NCAN: variants seen among roughly 807,000 people sequenced by gnomAD.
NCAN encodes neurocan.
A neutral mutation model predicts 121.8 loss-of-function variants in NCAN; 47 were observed. The ratio of observed to expected loss-of-function variants is 0.39; its 90% CI spans 0.31 to 0.49. The LOEUF is 0.49. Ranked by LOEUF, NCAN falls within the 20% of genes least tolerant of loss-of-function variation. NCAN has a pLI of 0.92. For missense variants in NCAN, 1,517 were observed against 1,773.4 expected, an observed-to-expected ratio of 0.86 and a Z score of 2.60; for synonymous variants, 633 against 702.0, an observed-to-expected ratio of 0.90 and a Z score of 1.55.
In NCAN at chr19:19,224,001, T is replaced by C; in HGVS notation, c.476-20T>C. On this transcript the variant is annotated intron_variant, in intron 3 of 14. Coordinates refer to ENST00000252575, the MANE Select transcript of NCAN (RefSeq NM_004386.3). Reference sequence around the variant, plus strand: ...CCAGCATAAGTCAACTGTCCCCCCATCCTGGATGTTCCCCCACAGGTGTTG... The same window carrying C: ...CCAGCATAAGTCAACTGTCCCCCCACCCTGGATGTTCCCCCACAGGTGTTG... 6.7e-7 allele frequency: 1 copy of C among 1,503,676 alleles called. No homozygotes were observed. Among genetic ancestry groups the C allele is most frequent in the Non-Finnish European group, 8.9e-7 (1 of 1,121,102 alleles). The allele number at this position is 1,503,676 out of a possible 1,614,324, so 93.1% of individuals were successfully genotyped here.
chr19:19,227,161 G>A lies in NCAN; in HGVS notation c.1660+88G>A, dbSNP rs2060840567. On this transcript the variant is annotated intron_variant, in intron 7 of 14. Transcript: ENST00000252575. The surrounding 1 kb of genome is among the most constrained non-coding windows in gnomAD (Gnocchi z 4.2). ...CCATGGCTACACTCAGAATGAGGGA[G>A]GAAGCTCCAAATCCCAGCTGGGTCC... The A allele has an allele frequency of 6.7e-7, 1 of 1,490,392 alleles. No homozygotes were observed. The highest frequency in any genetic ancestry group is 1.4e-5 in the African/African-American group (1 of 71,412). The allele number at this position is 1,490,392 out of a possible 1,614,324, so 92.3% of individuals were successfully genotyped here.
Position 19,225,710 on chromosome 19 carries a change from G to A in NCAN, c.1072+440G>A, listed in dbSNP as rs1017592153. On this transcript the variant is annotated intron_variant, in intron 6 of 14. Transcript: ENST00000252575. The surrounding 1 kb of genome is among the most constrained non-coding windows in gnomAD (Gnocchi z 4.0). Reference sequence around the variant, plus strand: ...GGGATGACACTCGCCCTTGTTGGGGGGCAGTGGGGACAGCTTTGGAAGCTG... The same window carrying A: ...GGGATGACACTCGCCCTTGTTGGGGAGCAGTGGGGACAGCTTTGGAAGCTG... 6.6e-6 allele frequency among the ~76,000 whole-genome samples: 1 copy of A among 152,212 alleles called. No homozygotes were observed. The highest frequency in any genetic ancestry group is 1.5e-5 in the Non-Finnish European group (1 of 68,030).
rs754950280 is a variant in NCAN, at chr19:19,227,455, C to T, written c.1835C>T (p.Ser612Leu). 70 of 1,613,516 alleles carry T rather than the reference C, an allele frequency of 4.3e-5. No homozygotes were observed. The East Asian group carries it at 1.5e-3, about 35-fold the overall frequency. Residue 612 changes from serine to leucine, a missense_variant, in exon 8 of 15, where the codon TCA (serine) becomes TTA (leucine). Transcript: ENST00000252575. The surrounding 1 kb of genome is among the most constrained non-coding windows in gnomAD (Gnocchi z 4.2). ...TGGTCCCCCTTGGAGGCCACTGTCT[C>T]AGCTCCCAGCCCTGCCCCCTGGGAG... ...LFWSPLEATV[S>L]APSPAPWEAF...
rs2060946655 is a variant in NCAN at position 19,251,665 on chromosome 19, T to C, written c.*1754T>C. On this transcript the variant is annotated 3_prime_UTR_variant, in exon 15 of 15. Coordinates refer to ENST00000252575, the MANE Select transcript of NCAN (RefSeq NM_004386.3). ...GGACTCTGGAGAGGAGATTGAAATA[T>C]AATTGCACCCTCATACACATTTAGG... 6.6e-6 allele frequency: 1 copy of C among 152,188 alleles called. No individual in the cohort carries two copies. The highest frequency in any genetic ancestry group is 1.5e-5 in the Non-Finnish European group (1 of 68,034). The allele number at this position is 152,188 out of a possible 1,614,324, so 9.4% of individuals were successfully genotyped here. A position where few individuals can be genotyped will look rare whatever the true frequency, so the allele number is the denominator to read the frequency against.
intron 12 of NCAN, among the ~76,000 whole-genome samples, chr19:19,242,098 G>A (rs907489101): frequency 6.6e-6 from 1 of 152,072 alleles, no homozygotes; most frequent in African/African-American, 2.4e-5. Flanking sequence ...GGGAGGCTGA[G>A]GCAGGAGAAT....
At position 19,228,432 on chromosome 19, in the gene NCAN, G is replaced by C; in HGVS notation, c.2812G>C (p.Val938Leu). 6.2e-7 allele frequency: 1 copy of C among 1,613,686 alleles called. No homozygotes were observed. Among genetic ancestry groups the C allele is most frequent in the Admixed American group, 1.7e-5 (1 of 60,020 alleles). The stretch of plus-strand genomic sequence containing the variant: ...TCCTGGGACACCGACTGCAGCCAGT[G>C]TGGGCGAGTCTGCCTCAGTTTCCTC... ...VPPGTPTAAS[V>L]GESASVSSGE... The change falls in exon 8 of 15, where the codon GTG becomes CTG. Residue 938 changes from valine (V) to leucine (L), a missense_variant. Physicochemically the swap from Val to Leu is conservative, Grantham distance 32. Transcript: ENST00000252575.
Position 19,249,915 on chromosome 19 carries a change from A to G in NCAN, c.*4A>G. ...GGACGAAGGGAATTTCTGCTGAAGAACCAGAAAAAAGAAAGCACAACACCT... is the reference window on the plus strand; with the variant it reads ...GGACGAAGGGAATTTCTGCTGAAGAGCCAGAAAAAAGAAAGCACAACACCT... On this transcript the variant is annotated 3_prime_UTR_variant, in exon 15 of 15. Coordinates refer to ENST00000252575, the MANE Select transcript of NCAN (RefSeq NM_004386.3). 6.2e-7 allele frequency: 1 copy of G among 1,611,966 alleles called. No homozygotes were observed. Among genetic ancestry groups the G allele is most frequent in the Non-Finnish European group, 8.5e-7 (1 of 1,178,950 alleles).
chr19:19,224,191 G>A lies in NCAN; in HGVS notation c.646G>A (p.Val216Ile). 2 of 1,588,882 alleles carry A rather than the reference G, an allele frequency of 1.3e-6. No individual in the cohort carries two copies. The highest frequency in any genetic ancestry group is 1.7e-6 in the Non-Finnish European group (2 of 1,162,038). Residue 216 changes from valine to isoleucine, a missense_variant, in exon 4 of 15, where the codon GTT becomes ATT. Coordinates refer to ENST00000252575, the MANE Select transcript of NCAN (RefSeq NM_004386.3). ...CDAGWLSDRTVRYPITQSRPG... is the reference protein window; with the variant it reads ...CDAGWLSDRTIRYPITQSRPG... ...TGCTGGCTGGCTCTCTGACCGCACT[G>A]TTCGGTGAGGGGGATACACAGGGCA...
chr19:19,238,420 TCTGGGGAGGGGGCCACCTGC>T lies in NCAN; in HGVS notation c.3409+14_3409+33del, dbSNP rs1209311854. ...ACACAGCTTCATTAATAGTAGGGGCTCTGGGGAGGGGGCCACCTGCCTGGAGGGTGGGCAGGGGTGGCACT... is the reference window on the plus strand; with the variant it reads ...ACACAGCTTCATTAATAGTAGGGGCTCTGGAGGGTGGGCAGGGGTGGCACT... On this transcript the variant is annotated intron_variant, in intron 11 of 14. Transcript: ENST00000252575. The T allele has an allele frequency of 5.0e-6, 8 of 1,614,030 alleles. No homozygotes were observed. Among genetic ancestry groups the T allele is most frequent in the Non-Finnish European group, 6.8e-6 (8 of 1,180,034 alleles).
In NCAN at chr19:19,212,513, T is replaced by C. The variant is rs571658133; in HGVS notation, c.-8+449T>C. 1.3e-5 allele frequency among the ~76,000 whole-genome samples: 2 copies of C among 150,874 alleles called. No individual in the cohort carries two copies. The highest frequency in any genetic ancestry group is 1.3e-4 in the Admixed American group (2 of 15,206). Reference sequence around the variant, plus strand: ...TCCCAATTTGCGGTTGAATGGAGGATTCCGGGCCGGACTGCAGTGGGGAGG... The same window carrying C: ...TCCCAATTTGCGGTTGAATGGAGGACTCCGGGCCGGACTGCAGTGGGGAGG... On this transcript the variant is annotated intron_variant, in intron 1 of 14. Coordinates refer to ENST00000252575, the MANE Select transcript of NCAN (RefSeq NM_004386.3). The surrounding 1 kb of genome is among the most constrained non-coding windows in gnomAD (Gnocchi z 4.5).
At chr19:19,238,187 G>A in intron 10 of NCAN, 66 bp from the exon 11 acceptor site, 1 of 1,601,008 alleles carries the variant, frequency 6.2e-7, no homozygotes, top group South Asian at 1.1e-5. Context: ...TGGGCTGGCT[G>A]TGCTCATGGC....
Position 19,227,114 on chromosome 19 carries a change from G to T in NCAN, c.1660+41G>T. The stretch of plus-strand genomic sequence containing the variant: ...GGAGGCGGGACCTACCTGGGGATCT[G>T]GAGGTGAGGGTAGAGAGGTAGCCAT... On this transcript the variant is annotated intron_variant, in intron 7 of 14. Coordinates refer to ENST00000252575, the MANE Select transcript of NCAN (RefSeq NM_004386.3). This position sits in a 1 kb window ranked among gnomAD's most constrained non-coding sequence, Gnocchi z 4.2. 6.7e-7 allele frequency: 1 copy of T among 1,499,720 alleles called. No individual in the cohort carries two copies. 92.9% of individuals were successfully genotyped at this position (1,499,720 alleles called of 1,614,324 possible).
chr19:19,214,070 C>T (rs910916778), intron 1 of NCAN, among the ~76,000 whole-genome samples: 1 of 152,156 alleles, frequency 6.6e-6, no homozygotes, highest in Non-Finnish European at 1.5e-5. Flanking sequence ...CCTTCACACC[C>T]TTGCCAGGAC....
chr19:19,215,803 A>G (rs1215978641), intron 1 of NCAN, among the ~76,000 whole-genome samples: 1 of 152,198 alleles, frequency 6.6e-6, no homozygotes, highest in Non-Finnish European at 1.5e-5. Flanking sequence ...GAGGACTGGG[A>G]CAGACTGCTG....
chr19:19,212,264 G>C lies in NCAN; in HGVS notation c.-8+200G>C. On this transcript the variant is annotated intron_variant, in intron 1 of 14. Coordinates refer to ENST00000252575, the MANE Select transcript of NCAN (RefSeq NM_004386.3). This position sits in a 1 kb window ranked among gnomAD's most constrained non-coding sequence, Gnocchi z 4.5. Reference sequence around the variant, plus strand: ...GGAATGCTAGGTGAACAGACATTTGGGGAGGAAGGTTGTCCGCGGAATCCG... The same window carrying C: ...GGAATGCTAGGTGAACAGACATTTGCGGAGGAAGGTTGTCCGCGGAATCCG... Among the ~76,000 whole-genome samples the C allele has an allele frequency of 6.6e-6, 1 of 151,758 alleles. No homozygotes were observed. The highest frequency in any genetic ancestry group is 1.5e-5 in the Non-Finnish European group (1 of 67,838).
chr19:19,248,896 C>G lies in NCAN; in HGVS notation c.3820+14C>G, dbSNP rs376603855. On this transcript the variant is annotated intron_variant, in intron 14 of 14. Coordinates refer to ENST00000252575, the MANE Select transcript of NCAN (RefSeq NM_004386.3). ...TCTGCACCAAACGTAAGTAGCTTCT[C>G]CCAGAGATCTCAACATAGGTTTTTG... is the stretch of plus-strand genomic sequence containing the variant. The G allele has an allele frequency of 6.2e-7, 1 of 1,612,958 alleles. No homozygotes were observed. The highest frequency in any genetic ancestry group is 8.5e-7 in the Non-Finnish European group (1 of 1,179,210).
intron 11 of NCAN, 142 bp from the exon 12 acceptor site, chr19:19,240,461 T>C: frequency 2.8e-6 from 2 of 722,192 alleles, no homozygotes; most frequent in South Asian, 3.2e-5. Context: ...TCTAGATCTT[T>C]CCCCCCACCC....
intron 3 of NCAN, among the ~76,000 whole-genome samples, chr19:19,220,114 CA>C (rs1946354942): frequency 6.6e-6 from 1 of 152,080 alleles, no homozygotes; most frequent in African/African-American, 2.4e-5. Flanking sequence ...GTCTCCAGCT[CA>C]GACTTCTGGG....
Position 19,212,514 on chromosome 19 carries a change from TCCGGG to T in NCAN, c.-8+455_-8+459del, listed in dbSNP as rs375866581. On this transcript the variant is annotated intron_variant, in intron 1 of 14. Transcript: ENST00000252575. This position sits in a 1 kb window ranked among gnomAD's most constrained non-coding sequence, Gnocchi z 4.5. ...CCCAATTTGCGGTTGAATGGAGGATTCCGGGCCGGACTGCAGTGGGGAGGGGGCCC... is the reference window on the plus strand; with the variant it reads ...CCCAATTTGCGGTTGAATGGAGGATTCCGGACTGCAGTGGGGAGGGGGCCC... 8.6e-4 allele frequency among the ~76,000 whole-genome samples: 129 copies of T among 150,794 alleles called. No homozygotes were observed. The highest frequency in any genetic ancestry group is 3.1e-3 in the African/African-American group (125 of 40,966).
Sources: allele counts gnomAD v4.1 joint callset (sites outside exome capture counted in the v4.1 genomes callset), GRCh38; gene constraint gnomAD v4.1.1; non-coding constraint Gnocchi (gnomAD v3.1); transcripts MANE v1.5; gene names NCBI Gene and HGNC (gene_info 2026-07-23, HGNC 2026-07-21).